DNAH10: variants seen among roughly 807,000 people sequenced by gnomAD.
DNAH10 encodes the protein axonemal beta dynein heavy chain 10.
In DNAH10, 348 loss-of-function variants were observed where a neutral mutation model predicts 506.6. The ratio of observed to expected loss-of-function variants is 0.69; its 90% CI spans 0.63 to 0.75. DNAH10 has a LOEUF of 0.75. Ranked by LOEUF, DNAH10 falls within the 30% of genes least tolerant of loss-of-function variation. DNAH10 has a pLI of 0.00. For missense variants in DNAH10, 5,179 were observed against 5,787.1 expected, an observed-to-expected ratio of 0.89 and a Z score of 3.41; for synonymous variants, 2,059 against 2,198.6, an observed-to-expected ratio of 0.94 and a Z score of 1.78.
rs1267959653 is a variant in DNAH10, at chr12:123,902,419, G to A, written c.9641-520G>A. Among the ~76,000 whole-genome samples the A allele has an allele frequency of 1.3e-5, 2 of 152,214 alleles. No homozygotes were observed. The highest frequency in any genetic ancestry group is 2.9e-5 in the Non-Finnish European group (2 of 68,040). ...CCTAGTGAGTGAGGGCACCCAGGCA[G>A]TGAATCAGCCAGTGGTGAAATGAAA... On this transcript the variant is annotated intron_variant, in intron 56 of 78. Transcript: ENST00000673944. This position sits in a 1 kb window ranked among gnomAD's most constrained non-coding sequence, Gnocchi z 4.5.
At chr12:123,801,198 C>G (rs1295746479) in intron 15 of DNAH10, 83 bp from the exon 16 acceptor site, 3 of 1,451,914 alleles carry the variant, frequency 2.1e-6, no homozygotes, top group Non-Finnish European at 2.8e-6. Flanking sequence ...AGACCACGGT[C>G]TTTTGTAATC....
At chr12:123,827,422 G>A (rs1443355969) in intron 25 of DNAH10, among the ~76,000 whole-genome samples, 1 of 152,018 alleles carries the variant, frequency 6.6e-6, no homozygotes, top group Non-Finnish European at 1.5e-5. Context: ...TATATCTATA[G>A]CCTATTTCAA....
At chr12:123,804,253 C>T (rs943671986) in intron 17 of DNAH10, among the ~76,000 whole-genome samples, 8 of 152,140 alleles carry the variant, frequency 5.3e-5, no homozygotes, top group Middle Eastern at 3.4e-3. Flanking sequence ...AGGCAGGGCT[C>T]GGTGGCTCAC....
chr12:123,910,499 T>G, intron 58 of DNAH10, 37 bp from the exon 59 acceptor site: 1 of 1,602,014 alleles, frequency 6.2e-7, no homozygotes. Context: ...AAGATGAAGC[T>G]TGCCACTCAT....
At chr12:123,777,589 C>G (rs1343590808) in intron 5 of DNAH10, among the ~76,000 whole-genome samples, 1 of 152,234 alleles carries the variant, frequency 6.6e-6, no homozygotes, top group Non-Finnish European at 1.5e-5. Flanking sequence ...ATGTCTTTTT[C>G]TAGTGTGACT....
intron 28 of DNAH10, among the ~76,000 whole-genome samples, chr12:123,837,426 GA>G (rs1310842536): frequency 6.6e-6 from 1 of 150,738 alleles, no homozygotes; most frequent in Non-Finnish European, 1.5e-5. Context: ...AAAAAGCCAA[GA>G]AAAAAAAGAA....
intron 24 of DNAH10, among the ~76,000 whole-genome samples, chr12:123,822,006 G>T (rs1959463010): frequency 6.6e-6 from 1 of 152,186 alleles, no homozygotes; most frequent in African/African-American, 2.4e-5. Context: ...AGGAGTTCGA[G>T]ACTAGCCTGG....
intron 45 of DNAH10, among the ~76,000 whole-genome samples, chr12:123,872,494 G>T (rs1952074977): frequency 6.6e-6 from 1 of 152,150 alleles, no homozygotes; most frequent in African/African-American, 2.4e-5. Flanking sequence ...GAACACAGTG[G>T]CTTTAGCAAG....
chr12:123,783,309 T>C, intron 7 of DNAH10, 45 bp downstream of exon 7: 2 of 1,603,968 alleles, frequency 1.2e-6, no homozygotes. Context: ...CAGGTCATGC[T>C]TACCATGCTG....
At position 123,916,534 on chromosome 12, in the gene DNAH10, CG is replaced by C; in HGVS notation, c.10801del (p.Asp3601MetfsTer9). 1.2e-6 allele frequency: 2 copies of C among 1,613,806 alleles called. No homozygotes were observed. Among genetic ancestry groups the C allele is most frequent in the Non-Finnish European group, 1.7e-6 (2 of 1,179,862 alleles). On this transcript the variant is annotated frameshift_variant, in exon 63 of 79. Coordinates refer to ENST00000673944, the MANE Select transcript of DNAH10 (RefSeq NM_001372106.1). LOFTEE classifies it high-confidence loss of function. This position sits in a 1 kb window ranked among gnomAD's most constrained non-coding sequence, Gnocchi z 4.6. ...IKYGTPFLFR[D>X]VDEYIDPVID... Reference sequence around the variant, plus strand: ...AGTACGGGACCCCTTTCCTGTTCCGCGATGTTGATGAATACATCGATCCTGT... The same window carrying C: ...AGTACGGGACCCCTTTCCTGTTCCGCATGTTGATGAATACATCGATCCTGT...
rs1953974017 is a variant in DNAH10, at chr12:123,909,584, C to T, written c.9997+142C>T. 8.9e-7 allele frequency: 1 copy of T among 1,117,980 alleles called. No homozygotes were observed. The highest frequency in any genetic ancestry group is 1.2e-6 in the Non-Finnish European group (1 of 812,844). The allele number at this position is 1,117,980 out of a possible 1,614,324, so 69.3% of individuals were successfully genotyped here. A position where few individuals can be genotyped will look rare whatever the true frequency, so the allele number is the denominator to read the frequency against. ...AGATGGTATCGGATGGAACAGGCAA[C>T]TGATGGTCACCAGAGGAAAACAGCA... On this transcript the variant is annotated intron_variant, in intron 58 of 78. Transcript: ENST00000673944. The surrounding 1 kb of genome is among the most constrained non-coding windows in gnomAD (Gnocchi z 5.4).
At chr12:123,770,216 C>T (rs1472206084) in intron 2 of DNAH10, among the ~76,000 whole-genome samples, 1 of 151,860 alleles carries the variant, frequency 6.6e-6, no homozygotes, top group Non-Finnish European at 1.5e-5. Flanking sequence ...ACACTGCACT[C>T]CAGCCTGGGT....
chr12:123,778,723 T>A (rs1469192899), intron 5 of DNAH10, among the ~76,000 whole-genome samples: 2 of 152,004 alleles, frequency 1.3e-5, no homozygotes, highest in Non-Finnish European at 2.9e-5. Context: ...AATATATATG[T>A]TCAAATGCAT....
intron 30 of DNAH10, among the ~76,000 whole-genome samples, chr12:123,842,155 G>A (rs781054934): frequency 6.6e-6 from 1 of 152,234 alleles, no homozygotes; most frequent in Non-Finnish European, 1.5e-5. Context: ...GAACTCTGGG[G>A]GTGGGGCCTG....
In DNAH10 at chr12:123,909,581, C is replaced by A. The variant is rs950732570; in HGVS notation, c.9997+139C>A. On this transcript the variant is annotated intron_variant, in intron 58 of 78. Coordinates refer to ENST00000673944, the MANE Select transcript of DNAH10 (RefSeq NM_001372106.1). The surrounding 1 kb of genome is among the most constrained non-coding windows in gnomAD (Gnocchi z 5.4). ...GTCAGATGGTATCGGATGGAACAGG[C>A]AACTGATGGTCACCAGAGGAAAACA... 4.4e-6 allele frequency: 5 copies of A among 1,131,270 alleles called. 1 individual carries two copies. In the African/African-American group the frequency reaches 6.3e-5, roughly 14 times the overall value. The allele number at this position is 1,131,270 out of a possible 1,614,324, so 70.1% of individuals were successfully genotyped here.
At chr12:123,833,666 A>T (rs1428069627) in intron 27 of DNAH10, among the ~76,000 whole-genome samples, 1 of 152,152 alleles carries the variant, frequency 6.6e-6, no homozygotes, top group Non-Finnish European at 1.5e-5. Flanking sequence ...TGACACTGAA[A>T]ATTAGAAACA....
intron 54 of DNAH10, among the ~76,000 whole-genome samples, chr12:123,895,532 G>A (rs1953179397): frequency 6.6e-6 from 1 of 152,038 alleles, no homozygotes; most frequent in Admixed American, 6.6e-5. Context: ...CAGCTTTTTC[G>A]CAACTACTCA....
chr12:123,844,207 G>A (rs1231014664), intron 30 of DNAH10, among the ~76,000 whole-genome samples: 1 of 152,118 alleles, frequency 6.6e-6, no homozygotes, highest in East Asian at 1.9e-4. Context: ...AACTCACTCA[G>A]TATCACGAGA....
intron 5 of DNAH10, among the ~76,000 whole-genome samples, chr12:123,776,640 A>G (rs1478003661): frequency 1.3e-5 from 2 of 151,832 alleles, no homozygotes; most frequent in East Asian, 3.9e-4. Flanking sequence ...CATCTCTAAA[A>G]AAAAAAAAAA....
Sources: gnomAD v4.1 joint callset for allele counts (sites outside exome capture counted in the v4.1 genomes callset) on GRCh38, gnomAD v4.1.1 for gene constraint, Gnocchi (gnomAD v3.1) non-coding constraint, MANE v1.5 for transcripts, NCBI Gene and HGNC (gene_info 2026-07-23, HGNC 2026-07-21) for gene names.